ENOSF1: variants seen among roughly 807,000 people sequenced by gnomAD.
The protein encoded by ENOSF1 is mitochondrial enolase superfamily member 1.
ENOSF1 carries 73 observed loss-of-function variants against 68.2 expected under a neutral mutation model. That is an observed-to-expected ratio of 1.07 (90% confidence interval 0.89 to 1.30). The LOEUF (loss-of-function observed/expected upper bound fraction) is 1.30, where lower values mean the gene tolerates loss of function less well. Ranked by LOEUF, ENOSF1 falls within the 50% of genes most tolerant of loss-of-function variation. The probability of loss-of-function intolerance (pLI) is 0.00; values close to 1 mark genes in which losing one functional copy is unlikely to be tolerated. For synonymous variants in ENOSF1, 223 were observed against 210.4 expected (o/e 1.06, Z -0.52); for missense variants, 589 against 554.5 (o/e 1.06, Z -0.62).
intron 2 of ENOSF1, among the ~76,000 whole-genome samples, chr18:703,162 G>A (rs2078554173): frequency 6.6e-6 from 1 of 152,180 alleles, no homozygotes; most frequent in African/African-American, 2.4e-5. Context: ...TAAAGTCATG[G>A]AGAGATGGAA....
rs73943350 is a variant in ENOSF1, at chr18:672,599, T to C, written c.*1706A>G. The C allele has an allele frequency of 5.6e-4, 168 of 300,032 alleles. No individual in the cohort carries two copies. Among genetic ancestry groups the C allele is most frequent in the African/African-American group, 3.4e-3 (160 of 47,220 alleles). The allele number at this position is 300,032 out of a possible 1,614,324, so 18.6% of individuals were successfully genotyped here. ...TTAATAAATTTGCCAAGAGTGGTTA[T>C]AAGAACTTACACCTGATGAGGCACC... On this transcript the variant is annotated 3_prime_UTR_variant, in exon 16 of 16. Coordinates refer to ENST00000647584, the MANE Select transcript of ENOSF1 (RefSeq NM_017512.7).
intron 11 of ENOSF1, among the ~76,000 whole-genome samples, chr18:680,584 T>C (rs547179814): frequency 3.3e-5 from 5 of 151,990 alleles, no homozygotes; most frequent in Non-Finnish European, 7.4e-5. Context: ...TCCCTGCCCA[T>C]TCCTCACCTC....
chr18:674,366 T>G lies in ENOSF1; in HGVS notation c.1271A>C (p.Lys424Thr). ...TTCACCATCTGGATACTGGTGTTTC[T>G]TTACAGATTCCTCCTTCATTTCTGT... is the stretch of plus-strand genomic sequence containing the variant. ...YSTEMKEESV[K>T]KHQYPDGEVW... Residue 424 changes from lysine to threonine, a missense_variant, in exon 16 of 16, where the codon AAG (lysine) becomes ACG (threonine). Coordinates refer to ENST00000647584, the MANE Select transcript of ENOSF1 (RefSeq NM_017512.7). The G allele has an allele frequency of 6.2e-7, 1 of 1,613,184 alleles. No homozygotes were observed. Among genetic ancestry groups the G allele is most frequent in the South Asian group, 1.1e-5 (1 of 90,864 alleles).
At chr18:690,150 T>G (rs975253321) in intron 8 of ENOSF1, among the ~76,000 whole-genome samples, 4 of 152,060 alleles carry the variant, frequency 2.6e-5, no homozygotes, top group African/African-American at 9.7e-5. Flanking sequence ...TGAGTAAACA[T>G]AAGTAGTGTT....
chr18:706,263 G>A (rs1057160331), intron 2 of ENOSF1, among the ~76,000 whole-genome samples: 1 of 152,074 alleles, frequency 6.6e-6, no homozygotes. Context: ...TGCAAGGAGA[G>A]AGGCCAAATT....
At position 674,159 on chromosome 18, in the gene ENOSF1, A is replaced by C; in HGVS notation, c.*146T>G. On this transcript the variant is annotated 3_prime_UTR_variant, in exon 16 of 16. Coordinates refer to ENST00000647584, the MANE Select transcript of ENOSF1 (RefSeq NM_017512.7). ...TTGCTAAAAGAATCAAGTAATAATT[A>C]CTTAGCTGATTCCTGAGGGTGGTAT... 1 of 627,130 alleles carries C rather than the reference A, an allele frequency of 1.6e-6. No homozygotes were observed. The allele number at this position is 627,130 out of a possible 1,614,324, so 38.8% of individuals were successfully genotyped here.
chr18:712,315 G>C lies in ENOSF1; in HGVS notation c.84+189C>G. ...GAAGCTGCCCGGGGCCCGCAGAGCTGCAGTCGGCGGGGCGGGAGGGACCCG... is the reference window on the plus strand; with the variant it reads ...GAAGCTGCCCGGGGCCCGCAGAGCTCCAGTCGGCGGGGCGGGAGGGACCCG... On this transcript the variant is annotated intron_variant, in intron 1 of 15. Transcript: ENST00000647584. 3 of 1,477,284 alleles carry C rather than the reference G, an allele frequency of 2.0e-6. 1 individual carries two copies. The highest frequency in any genetic ancestry group is 2.7e-6 in the Non-Finnish European group (3 of 1,124,366). The allele number at this position is 1,477,284 out of a possible 1,614,324, so 91.5% of individuals were successfully genotyped here. A position where few individuals can be genotyped will look rare whatever the true frequency, so the allele number is the denominator to read the frequency against.
intron 9 of ENOSF1, chr18:688,241 T>A (rs916010161): frequency 2.0e-5 from 5 of 255,176 alleles, no homozygotes; most frequent in Non-Finnish European, 3.8e-5. Context: ...CTCACCAAGT[T>A]AAGCTCGCTG....
At chr18:667,607 T>TGATGGTGATGGTGATGGA (rs1567991080), downstream of ENOSF1, 2 of 43,692 alleles carry the variant, frequency 4.6e-5, no homozygotes, top group Admixed American at 3.5e-4. Context: ...ATGGTGATGG[T>TGATGGTGATGGTGATGGA]GATGGAGATG....
Position 697,367 on chromosome 18 carries a change from G to T in ENOSF1, c.194-12C>A. ...CACAGCACAGACAACTATTTAAAAAGGATTGAACTCTTGTTTATGCTTCTA... is the reference window on the plus strand; with the variant it reads ...CACAGCACAGACAACTATTTAAAAATGATTGAACTCTTGTTTATGCTTCTA... On this transcript the variant is annotated splice_polypyrimidine_tract_variant and intron_variant, in intron 2 of 15. Transcript: ENST00000647584. The T allele has an allele frequency of 1.3e-6, 2 of 1,572,724 alleles. No homozygotes were observed. Among genetic ancestry groups the T allele is most frequent in the Non-Finnish European group, 8.7e-7 (1 of 1,150,410 alleles).
Position 672,761 on chromosome 18 carries a change from T to C in ENOSF1, c.*1544A>G. On this transcript the variant is annotated 3_prime_UTR_variant, in exon 16 of 16. Coordinates refer to ENST00000647584, the MANE Select transcript of ENOSF1 (RefSeq NM_017512.7). Reference sequence around the variant, plus strand: ...GGATCATACTCCTGTAAAATAGAACTTTGTTGATCACATCCTGTGTACTTG... The same window carrying C: ...GGATCATACTCCTGTAAAATAGAACCTTGTTGATCACATCCTGTGTACTTG... The C allele has an allele frequency of 1.5e-6, 2 of 1,349,920 alleles. No homozygotes were observed. The highest frequency in any genetic ancestry group is 3.4e-5 in the South Asian group (2 of 58,024). 83.6% of individuals were successfully genotyped at this position (1,349,920 alleles called of 1,614,324 possible).
At position 712,620 on chromosome 18, in the gene ENOSF1, C is replaced by T; in HGVS notation, c.-33G>A. 3.1e-6 allele frequency: 4 copies of T among 1,271,838 alleles called. No individual in the cohort carries two copies. The highest frequency in any genetic ancestry group is 1.6e-5 in the African/African-American group (1 of 64,168). The allele number at this position is 1,271,838 out of a possible 1,614,324, so 78.8% of individuals were successfully genotyped here. ...GCGCCCCGTGGCCGCGGCCCCCGTGCGGTCAGGACTGGTCGGGATCCCGAG... is the reference window on the plus strand; with the variant it reads ...GCGCCCCGTGGCCGCGGCCCCCGTGTGGTCAGGACTGGTCGGGATCCCGAG... On this transcript the variant is annotated 5_prime_UTR_variant, in exon 1 of 16. Transcript: ENST00000647584.
At position 670,614 on chromosome 18, in the gene ENOSF1, C is replaced by A; in HGVS notation, c.*3691G>T. The stretch of plus-strand genomic sequence containing the variant: ...CCACCATATGAGTTGGCTTCTGTTT[C>A]TCTCCTGTTTTACTTTGCCTTTAGC... On this transcript the variant is annotated 3_prime_UTR_variant, in exon 16 of 16. Transcript: ENST00000647584. The A allele has an allele frequency of 6.6e-7, 1 of 1,515,844 alleles. No homozygotes were observed. Among genetic ancestry groups the A allele is most frequent in the Non-Finnish European group, 9.0e-7 (1 of 1,110,910 alleles). 93.9% of individuals were successfully genotyped at this position (1,515,844 alleles called of 1,614,324 possible).
At chr18:690,499 G>A (rs1219440550) in intron 8 of ENOSF1, 50 bp downstream of exon 8, 3 of 1,594,748 alleles carry the variant, frequency 1.9e-6, no homozygotes, top group Non-Finnish European at 2.6e-6. Flanking sequence ...GGAAAAACAG[G>A]TTGGTTTCTC....
At chr18:667,364 AGATGGTGATGGT>A (rs1452151862), downstream of ENOSF1, among the ~76,000 whole-genome samples, 1 of 8,426 alleles carries the variant, frequency 1.2e-4, no homozygotes, top group East Asian at 0.016. Context: ...ATGGTGATGG[AGATGGTGATGGT>A]GATGGTGATG....
At chr18:703,200 A>G (rs1404068390) in intron 2 of ENOSF1, among the ~76,000 whole-genome samples, 1 of 152,186 alleles carries the variant, frequency 6.6e-6, no homozygotes, top group East Asian at 1.9e-4. Context: ...TGAGACATCC[A>G]CCAAGACAGC....
At chr18:675,840 G>A (rs1160057803) in intron 14 of ENOSF1, among the ~76,000 whole-genome samples, 1 of 152,126 alleles carries the variant, frequency 6.6e-6, no homozygotes, top group Non-Finnish European at 1.5e-5. Flanking sequence ...GTAGGGTTGG[G>A]AGGGCCATTT....
intron 3 of ENOSF1, among the ~76,000 whole-genome samples, chr18:695,042 G>C (rs2077580388): frequency 1.3e-5 from 2 of 152,152 alleles, no homozygotes; most frequent in Admixed American, 6.5e-5. Context: ...CTAAAGGCCA[G>C]TCCATAATCA....
chr18:681,742 T>C (rs1363033705), intron 11 of ENOSF1, among the ~76,000 whole-genome samples: 1 of 152,196 alleles, frequency 6.6e-6, no homozygotes, highest in East Asian at 1.9e-4. Flanking sequence ...TCAATGAACT[T>C]TTCTACTGTG....
Sources: allele counts gnomAD v4.1 joint callset (sites outside exome capture counted in the v4.1 genomes callset), GRCh38; gene constraint gnomAD v4.1.1; transcripts MANE v1.5; gene names NCBI Gene and HGNC (gene_info 2026-07-23, HGNC 2026-07-21).